Variants in METTL25 observed in about 807,000 individuals in gnomAD.
METTL25 encodes probable methyltransferase-like protein 25.
METTL25 carries 64 observed loss-of-function variants against 71.6 expected under a neutral mutation model. The observed-to-expected ratio is 0.89, with a 90% CI of 0.73 to 1.10. The LOEUF is 1.10. METTL25 is among the 50% of genes least tolerant of loss of function. The probability of loss-of-function intolerance (pLI) is 0.00; values close to 1 mark genes in which losing one functional copy is unlikely to be tolerated. For missense variants in METTL25, 807 were observed against 707.0 expected, an observed-to-expected ratio of 1.14 and a Z score of -1.60; for synonymous variants, 287 against 250.3, an observed-to-expected ratio of 1.15 and a Z score of -1.38.
At chr12:82,478,391 G>A (rs912720581) in intron 11 of METTL25, among the ~76,000 whole-genome samples, 8 of 151,354 alleles carry the variant, frequency 5.3e-5, no homozygotes, top group African/African-American at 1.9e-4. Flanking sequence ...TAAAATACAG[G>A]ATATATAATA....
chr12:82,464,142 T>A, intron 9 of METTL25, among the ~76,000 whole-genome samples: 1 of 152,030 alleles, frequency 6.6e-6, no homozygotes, highest in East Asian at 1.9e-4. Context: ...TATTTTTGCT[T>A]TAGTTGCCGG....
Position 82,444,137 on chromosome 12 carries a change from C to A in METTL25, c.1478+5346C>A, listed in dbSNP as rs531037006. ...AGACTACTGTAAGACATATAATAAT[C>A]AAAATCTCAAAAGTAAAAGACAAAG... On this transcript the variant is annotated intron_variant, in intron 8 of 11. Coordinates refer to ENST00000248306, the MANE Select transcript of METTL25 (RefSeq NM_032230.3). Among the ~76,000 whole-genome samples, 12 of 152,128 alleles carry A rather than the reference C, an allele frequency of 7.9e-5. 1 individual carries two copies. In the South Asian group the frequency reaches 2.5e-3, roughly 32 times the overall value.
At chr12:82,435,202 TC>T (rs1471889906) in intron 7 of METTL25, among the ~76,000 whole-genome samples, 1 of 151,424 alleles carries the variant, frequency 6.6e-6, no homozygotes, top group African/African-American at 2.4e-5. Context: ...CCCCCAAATA[TC>T]CATGTAATTG....
At chr12:82,383,523 A>T (rs1884657711) in intron 1 of METTL25, among the ~76,000 whole-genome samples, 1 of 152,126 alleles carries the variant, frequency 6.6e-6, no homozygotes, top group Non-Finnish European at 1.5e-5. Context: ...TAAGAGCATT[A>T]TGTCTACTTA....
intron 3 of METTL25, among the ~76,000 whole-genome samples, chr12:82,393,409 G>A (rs1885779872): frequency 6.6e-6 from 1 of 151,732 alleles, no homozygotes; most frequent in African/African-American, 2.4e-5. Flanking sequence ...TTACTTTCCT[G>A]TTTTCCTTTT....
At position 82,456,753 on chromosome 12, in the gene METTL25, C is replaced by A; in HGVS notation, c.1505C>A (p.Ser502Tyr). ...GATCGGCATGTTGGTAAAATTTATT[C>A]CAAATGTTCTTCTTTTCTGGATTAT... ...KCDRHVGKIY[S>Y]KCSSFLDYVR... The change falls in exon 9 of 12, where the codon TCC becomes TAC. Residue 502 changes from serine (S) to tyrosine (Y), a missense_variant. Physicochemically the swap from Ser to Tyr is moderately radical, Grantham distance 144. Coordinates refer to ENST00000248306, the MANE Select transcript of METTL25 (RefSeq NM_032230.3). 6.2e-7 allele frequency: 1 copy of A among 1,601,864 alleles called. No homozygotes were observed. Among genetic ancestry groups the A allele is most frequent in the Non-Finnish European group, 8.5e-7 (1 of 1,173,880 alleles).
chr12:82,425,640 T>G (rs887932237), intron 5 of METTL25, among the ~76,000 whole-genome samples: 50 of 152,048 alleles, frequency 3.3e-4, no homozygotes, highest in African/African-American at 1.2e-3. Flanking sequence ...TTTAGAAAGA[T>G]AATATTGCTC....
At chr12:82,364,440 A>G (rs1882330710) in intron 1 of METTL25, among the ~76,000 whole-genome samples, 1 of 152,156 alleles carries the variant, frequency 6.6e-6, no homozygotes, top group Non-Finnish European at 1.5e-5. Context: ...TTTTGTCTGC[A>G]CTCAGACATG....
intron 11 of METTL25, among the ~76,000 whole-genome samples, 197 bp from the exon 12 acceptor site, chr12:82,478,735 T>G (rs1297917537): frequency 2.0e-5 from 3 of 152,008 alleles, no homozygotes; most frequent in African/African-American, 4.8e-5. Context: ...ACTCTCTATG[T>G]ACATCCTTGT....
intron 5 of METTL25, among the ~76,000 whole-genome samples, chr12:82,426,747 T>G (rs1889059897): frequency 6.6e-6 from 1 of 151,980 alleles, no homozygotes; most frequent in African/African-American, 2.4e-5. Flanking sequence ...CCTTGCTGGC[T>G]TCCATCTGTA....
chr12:82,429,147 C>A (rs1405503958), intron 5 of METTL25, among the ~76,000 whole-genome samples: 1 of 151,660 alleles, frequency 6.6e-6, no homozygotes, highest in Non-Finnish European at 1.5e-5. Flanking sequence ...TTTCTTCAAT[C>A]CAATTGTATG....
At chr12:82,370,188 G>C (rs1027447638) in intron 1 of METTL25, among the ~76,000 whole-genome samples, 6 of 152,180 alleles carry the variant, frequency 3.9e-5, no homozygotes, top group Non-Finnish European at 7.3e-5. Context: ...GCCAGTGAAA[G>C]GGCCAGCGGG....
At chr12:82,408,818 G>A (rs1367318436) in intron 5 of METTL25, among the ~76,000 whole-genome samples, 1 of 152,066 alleles carries the variant, frequency 6.6e-6, no homozygotes, top group East Asian at 1.9e-4. Flanking sequence ...ACAGAGAAAG[G>A]GGTTTATGTG....
chr12:82,393,166 A>G (rs1183234313), intron 3 of METTL25, among the ~76,000 whole-genome samples: 1 of 152,002 alleles, frequency 6.6e-6, no homozygotes, highest in Non-Finnish European at 1.5e-5. Flanking sequence ...TCTGTGCAGA[A>G]TGTCATTGAT....
rs544310391 is a variant in METTL25 at position 82,425,313 on chromosome 12, A to G, written c.1280-5580A>G. The stretch of plus-strand genomic sequence containing the variant: ...TACCTACCACTTTATACATGTGTTT[A>G]ACCACTGCAGGCATTTGAGTTTTTG... On this transcript the variant is annotated intron_variant, in intron 5 of 11. Coordinates refer to ENST00000248306, the MANE Select transcript of METTL25 (RefSeq NM_032230.3). 4.6e-5 allele frequency among the ~76,000 whole-genome samples: 7 copies of G among 152,220 alleles called. No individual in the cohort carries two copies. In the East Asian group the frequency reaches 1.4e-3, roughly 29 times the overall value.
chr12:82,380,120 T>C (rs2401027), intron 1 of METTL25, among the ~76,000 whole-genome samples: 140,694 of 152,208 alleles, frequency 0.92, 65,340 homozygotes, highest in East Asian at 1. Flanking sequence ...TGTTCTAGGC[T>C]GCGTGTTAGG....
At chr12:82,470,047 A>G (rs116774720) in intron 9 of METTL25, among the ~76,000 whole-genome samples, 167 of 152,308 alleles carry the variant, frequency 1.1e-3, no homozygotes, top group African/African-American at 3.4e-3. Context: ...AGACTCCACA[A>G]ATCTTGTGTC....
At chr12:82,405,131 A>G (rs890135650) in intron 5 of METTL25, among the ~76,000 whole-genome samples, 7 of 152,126 alleles carry the variant, frequency 4.6e-5, no homozygotes, top group African/African-American at 1.7e-4. Flanking sequence ...GTCAGACCCT[A>G]GCAGCCATCA....
chr12:82,408,182 TGAA>T (rs772032138), intron 5 of METTL25, among the ~76,000 whole-genome samples: 5 of 152,150 alleles, frequency 3.3e-5, no homozygotes, highest in African/African-American at 4.8e-5. Context: ...TAAGAAGACA[TGAA>T]GAATTCTACA....
Sources: gnomAD v4.1 joint callset for allele counts (sites outside exome capture counted in the v4.1 genomes callset) on GRCh38, gnomAD v4.1.1 for gene constraint, MANE v1.5 for transcripts, NCBI Gene and HGNC (gene_info 2026-07-23, HGNC 2026-07-21) for gene names.